Variants in TTLL10 observed in about 807,000 individuals in gnomAD.
TTLL10 encodes the protein tubulin tyrosine ligase like 10.
TTLL10 carries 61 observed loss-of-function variants against 69.0 expected under a neutral mutation model. That is an observed-to-expected ratio of 0.88 (90% CI 0.72 to 1.09). The LOEUF (loss-of-function observed/expected upper bound fraction) is 1.09, where lower values mean the gene tolerates loss of function less well. TTLL10 is among the 50% of genes least tolerant of loss of function. The pLI is 0.00. For synonymous variants in TTLL10, 408 were observed against 393.3 expected, an observed-to-expected ratio of 1.04 and a Z score of -0.44; for missense variants, 962 against 945.9, an observed-to-expected ratio of 1.02 and a Z score of -0.22.
At chr1:1,186,026 T>G (rs909319510) in intron 13 of TTLL10, among the ~76,000 whole-genome samples, 1 of 152,142 alleles carries the variant, frequency 6.6e-6, no homozygotes, top group East Asian at 1.9e-4. Flanking sequence ...CTCTCTCTCC[T>G]GTCTCCTTTC....
intron 13 of TTLL10, among the ~76,000 whole-genome samples, chr1:1,195,386 A>ATTTGTTCTACT (rs1390415171): frequency 2.0e-5 from 3 of 148,890 alleles, no homozygotes; most frequent in Non-Finnish European, 3.0e-5. Context: ...TGCATGTTTT[A>ATTTGTTCTACT]TTTGTTCTAC....
rs1648316784 is a variant in TTLL10 at position 1,197,513 on chromosome 1, T to C, written c.1688T>C (p.Val563Ala). ...CCTCTGCTGTCCCAGCGCCGCTTCG[T>C]GCTCCTGCACAACGGTGAGGCCGAC... ...MLPLLSQRRF[V>A]LLHNGEADPR... Residue 563 changes from valine to alanine, a missense_variant, in exon 16 of 16, where the codon GTG (valine) becomes GCG (alanine). Coordinates refer to ENST00000379289, the MANE Select transcript of TTLL10 (RefSeq NM_001130045.2). The C allele has an allele frequency of 5.8e-6, 9 of 1,541,020 alleles. No homozygotes were observed. In the Admixed American group the frequency reaches 1.4e-4, roughly 24 times the overall value.
chr1:1,182,964 G>A lies in TTLL10; in HGVS notation c.1005G>A (p.Leu335=). Residue 335 remains leucine, a synonymous_variant, in exon 11 of 16, where the codon CTG becomes CTA. Coordinates refer to ENST00000379289, the MANE Select transcript of TTLL10 (RefSeq NM_001130045.2). Reference sequence around the variant, plus strand: ...GGAACCAGGAGGAAGTTGCCGCCCTGCAGGCCAAGACCCGGAGCATGGAGG... The same window carrying A: ...GGAACCAGGAGGAAGTTGCCGCCCTACAGGCCAAGACCCGGAGCATGGAGG... ...LLRNQEEVAA[L]QAKTRSMEDD... The A allele has an allele frequency of 6.2e-7, 1 of 1,605,862 alleles. No homozygotes were observed. The highest frequency in any genetic ancestry group is 8.5e-7 in the Non-Finnish European group (1 of 1,176,784).
intron 13 of TTLL10, among the ~76,000 whole-genome samples, chr1:1,192,605 CAGTGTAGACACTCCAGTTGGTATG>C (rs1557490311): frequency 9.3e-5 from 7 of 75,188 alleles, no homozygotes; most frequent in African/African-American, 1.4e-4. Context: ...CAATTGATAT[CAGTGTAGACACTCCAGTTGGTATG>C]AGTGTAGACA....
intron 13 of TTLL10, among the ~76,000 whole-genome samples, chr1:1,193,261 C>T (rs1647961948): frequency 6.6e-6 from 1 of 151,998 alleles, no homozygotes; most frequent in Non-Finnish European, 1.5e-5. Flanking sequence ...GGAGGCGGAG[C>T]TTGCAGTGAG....
intron 13 of TTLL10, among the ~76,000 whole-genome samples, chr1:1,193,407 T>C (rs1369412865): frequency 6.6e-6 from 1 of 152,252 alleles, no homozygotes; most frequent in Non-Finnish European, 1.5e-5. Flanking sequence ...TCTGTCTTTT[T>C]TTGTTCCTCA....
At position 1,185,724 on chromosome 1, in the gene TTLL10, A is replaced by G; in HGVS notation, c.1401+615A>G. On this transcript the variant is annotated intron_variant, in intron 13 of 15. Coordinates refer to ENST00000379289, the MANE Select transcript of TTLL10 (RefSeq NM_001130045.2). This position sits in a 1 kb window ranked among gnomAD's most constrained non-coding sequence, Gnocchi z 6.1. The stretch of plus-strand genomic sequence containing the variant: ...CAGGCCCCGGAAGCAGCAGCCAGGG[A>G]TGGTCCTTCCTCACCCACAGGCGTG... 1 of 985,516 alleles carries G rather than the reference A, an allele frequency of 1.0e-6. No homozygotes were observed. Among genetic ancestry groups the G allele is most frequent in the South Asian group, 4.7e-5 (1 of 21,292 alleles). The allele number at this position is 985,516 out of a possible 1,614,324, so 61.0% of individuals were successfully genotyped here. A position where few individuals can be genotyped will look rare whatever the true frequency, so the allele number is the denominator to read the frequency against.
At position 1,185,823 on chromosome 1, in the gene TTLL10, TA is replaced by T. The variant is rs746818705; in HGVS notation, c.1401+716del. ...TCCTCACATCTCCCAAACTCTCTCT[TA>T]ATTGCGATAATTCACAGAACATAAA... On this transcript the variant is annotated intron_variant, in intron 13 of 15. Transcript: ENST00000379289. This position sits in a 1 kb window ranked among gnomAD's most constrained non-coding sequence, Gnocchi z 6.1. The T allele has an allele frequency of 1.5e-5, 15 of 985,332 alleles. No individual in the cohort carries two copies. The highest frequency in any genetic ancestry group is 1.8e-5 in the Non-Finnish European group (15 of 829,918). 61.0% of individuals were successfully genotyped at this position (985,332 alleles called of 1,614,324 possible). A position where few individuals can be genotyped will look rare whatever the true frequency, so the allele number is the denominator to read the frequency against.
At chr1:1,189,490 G>A (rs746171026) in intron 13 of TTLL10, among the ~76,000 whole-genome samples, 5 of 152,092 alleles carry the variant, frequency 3.3e-5, no homozygotes, top group Non-Finnish European at 7.4e-5. Context: ...GTTGGATTTG[G>A]TTTGCTAATA....
intron 13 of TTLL10, among the ~76,000 whole-genome samples, chr1:1,194,901 C>A (rs1020982680): frequency 6.6e-6 from 1 of 152,158 alleles, no homozygotes; most frequent in African/African-American, 2.4e-5. Flanking sequence ...CTCTTCTCTC[C>A]TTCTGGGACT....
Position 1,184,030 on chromosome 1 carries a change from G to C in TTLL10, c.1199G>C (p.Arg400Pro). The C allele has an allele frequency of 6.2e-7, 1 of 1,614,196 alleles. No homozygotes were observed. Among genetic ancestry groups the C allele is most frequent in the African/African-American group, 1.3e-5 (1 of 75,044 alleles). ...YMIFFGHGYA[R>P]LTLSLYDPHS... ...ATCTTCTTTGGCCACGGCTATGCTC[G>C]CCTCACCCTTAGCCTTTACGACCCC... Residue 400 changes from arginine to proline, a missense_variant, in exon 12 of 16, where the codon CGC becomes CCC. Arg to Pro is a moderately radical substitution (Grantham distance 103). Coordinates refer to ENST00000379289, the MANE Select transcript of TTLL10 (RefSeq NM_001130045.2).
chr1:1,191,636 G>A lies in TTLL10; in HGVS notation c.1402-4964G>A, dbSNP rs530174603. Among the ~76,000 whole-genome samples, 52 of 152,310 alleles carry A rather than the reference G, an allele frequency of 3.4e-4. 1 individual carries two copies. In the South Asian group the frequency reaches 4.8e-3, roughly 14 times the overall value. On this transcript the variant is annotated intron_variant, in intron 13 of 15. Transcript: ENST00000379289. The stretch of plus-strand genomic sequence containing the variant: ...GTCGGGGAGACCCTAACCCGGCGGC[G>A]CTAGAGGAATTAAAGACACACACAG...
At chr1:1,184,537 C>A (rs913406043) in intron 12 of TTLL10, among the ~76,000 whole-genome samples, 1 of 152,078 alleles carries the variant, frequency 6.6e-6, no homozygotes, top group African/African-American at 2.4e-5. Flanking sequence ...GGGGTCCTCA[C>A]GGCTGAAGGG....
intron 13 of TTLL10, among the ~76,000 whole-genome samples, chr1:1,196,234 G>C (rs1002129976): frequency 1.3e-5 from 2 of 152,190 alleles, no homozygotes; most frequent in Admixed American, 6.5e-5. Context: ...CATTGAGCTG[G>C]GGAGCAGAGG....
intron 3 of TTLL10, chr1:1,176,374 C>G (rs1378086475): frequency 1.8e-5 from 8 of 455,564 alleles, no homozygotes; most frequent in Non-Finnish European, 3.1e-5. Flanking sequence ...TGGAGAGAGG[C>G]TGACGCTGTA....
At chr1:1,176,598 G>C (rs1391095921) in intron 3 of TTLL10, among the ~76,000 whole-genome samples, 1 of 152,166 alleles carries the variant, frequency 6.6e-6, no homozygotes, top group Non-Finnish European at 1.5e-5. Context: ...GAGCCTCCTG[G>C]GCCGGTTCCA....
At chr1:1,186,851 T>G (rs201463635) in intron 13 of TTLL10, among the ~76,000 whole-genome samples, 18 of 86,320 alleles carry the variant, frequency 2.1e-4, no homozygotes, top group African/African-American at 6.2e-4. Flanking sequence ...TTGTTTTTTG[T>G]TTTTTTTTTT....
In TTLL10 at chr1:1,185,977, C is replaced by T. The variant is rs2100895757; in HGVS notation, c.1401+868C>T. 2 of 325,316 alleles carry T rather than the reference C, an allele frequency of 6.1e-6. No individual in the cohort carries two copies. Among genetic ancestry groups the T allele is most frequent in the South Asian group, 1.2e-4 (1 of 8,206 alleles). 20.2% of individuals were successfully genotyped at this position (325,316 alleles called of 1,614,324 possible). A position where few individuals can be genotyped will look rare whatever the true frequency, so the allele number is the denominator to read the frequency against. On this transcript the variant is annotated intron_variant, in intron 13 of 15. Coordinates refer to ENST00000379289, the MANE Select transcript of TTLL10 (RefSeq NM_001130045.2). This position sits in a 1 kb window ranked among gnomAD's most constrained non-coding sequence, Gnocchi z 6.1. ...CACTACTAACGAGCCATCACAGCTA[C>T]ATTGCCGGCCATTCCTGGTCACCGC...
chr1:1,197,278 G>A, intron 15 of TTLL10, 92 bp downstream of exon 15: 1 of 1,361,570 alleles, frequency 7.3e-7, no homozygotes, highest in South Asian at 1.3e-5. Flanking sequence ...CCCCACAGAT[G>A]GGGCTCTTCC....
Sources: gnomAD v4.1 joint callset for allele counts (sites outside exome capture counted in the v4.1 genomes callset) on GRCh38, gnomAD v4.1.1 for gene constraint, Gnocchi (gnomAD v3.1) non-coding constraint, MANE v1.5 for transcripts, NCBI Gene and HGNC (gene_info 2026-07-23, HGNC 2026-07-21) for gene names.